Variants in CD109 observed in about 807,000 individuals in gnomAD.
The protein encoded by CD109 is CD109 molecule, also known as CD109 antigen.
In CD109, 149 loss-of-function variants were observed where a neutral mutation model predicts 165.8. The ratio of observed to expected loss-of-function variants is 0.90; its 90% CI spans 0.79 to 1.03. The LOEUF (loss-of-function observed/expected upper bound fraction) is 1.03, where lower values mean the gene tolerates loss of function less well. Among genes scored for constraint, CD109 ranks in the 50% least tolerant of loss-of-function variants. The pLI is 0.00. For synonymous variants in CD109, 585 were observed against 592.1 expected, an observed-to-expected ratio of 0.99 and a Z score of 0.18; for missense variants, 1,712 against 1,677.8, an observed-to-expected ratio of 1.02 and a Z score of -0.36.
intron 23 of CD109, among the ~76,000 whole-genome samples, chr6:73,798,978 C>CTCTCCT (rs2150281293): frequency 6.6e-6 from 1 of 152,118 alleles, no homozygotes; most frequent in South Asian, 2.1e-4. Context: ...CTTCCCTCTC[C>CTCTCCT]TCTCCTTCTC....
At chr6:73,795,675 T>G (rs985197120) in intron 23 of CD109, among the ~76,000 whole-genome samples, 1 of 152,128 alleles carries the variant, frequency 6.6e-6, no homozygotes, top group Non-Finnish European at 1.5e-5. Context: ...GCGCTACAGC[T>G]GTAAGTAGGC....
intron 5 of CD109, among the ~76,000 whole-genome samples, chr6:73,738,324 A>G (rs1772624269): frequency 6.6e-6 from 1 of 152,198 alleles, no homozygotes; most frequent in African/African-American, 2.4e-5. Context: ...AATAACCATC[A>G]TGCCCAGAAT....
chr6:73,754,654 C>T (rs1773316149), intron 5 of CD109, among the ~76,000 whole-genome samples: 1 of 152,162 alleles, frequency 6.6e-6, no homozygotes, highest in Non-Finnish European at 1.5e-5. Context: ...TTTAATCAAA[C>T]ACACATTTAT....
At chr6:73,797,450 G>C (rs948989553) in intron 23 of CD109, among the ~76,000 whole-genome samples, 1 of 152,160 alleles carries the variant, frequency 6.6e-6, no homozygotes, top group African/African-American at 2.4e-5. Context: ...TTCAGAATTC[G>C]GATGTTGCCA....
rs386407559 is a variant in CD109 at position 73,725,504 on chromosome 6, C to CTT, written c.276+2245_276+2246dup. ...AACTAGAAATTTGTCTACTACACTT[C>CTT]TTTTTTTTTTTTTTTTTTTTTGAGA... On this transcript the variant is annotated intron_variant, in intron 3 of 32. Transcript: ENST00000287097. Among the ~76,000 whole-genome samples, 9 of 89,428 alleles carry CTT rather than the reference C, an allele frequency of 1.0e-4. 1 individual carries two copies. The highest frequency in any genetic ancestry group is 6.8e-4 in the East Asian group (2 of 2,962). 58.7% of individuals were successfully genotyped at this position (89,428 alleles called of 152,430 possible).
At chr6:73,748,130 A>G (rs1321329010) in intron 5 of CD109, among the ~76,000 whole-genome samples, 5 of 152,096 alleles carry the variant, frequency 3.3e-5, no homozygotes, top group Non-Finnish European at 7.4e-5. Context: ...TCAACCTTAA[A>G]TATATTTCAA....
At chr6:73,806,708 C>G in intron 24 of CD109, 136 bp from the exon 25 acceptor site, 1 of 615,636 alleles carries the variant, frequency 1.6e-6, no homozygotes, top group East Asian at 2.8e-5. Flanking sequence ...TTTTTCTTTC[C>G]TTGTTCCATC....
intron 2 of CD109, among the ~76,000 whole-genome samples, chr6:73,702,976 A>G (rs1258990554): frequency 1.3e-5 from 2 of 152,248 alleles, no homozygotes; most frequent in African/African-American, 4.8e-5. Flanking sequence ...GGGATTTAAC[A>G]TATTAAATAT....
chr6:73,794,139 T>A (rs889233418), intron 23 of CD109, among the ~76,000 whole-genome samples: 4 of 152,210 alleles, frequency 2.6e-5, no homozygotes, highest in Non-Finnish European at 5.9e-5. Context: ...TCTGTTTAAA[T>A]GTTTTATGCA....
chr6:73,742,608 C>T (rs538333320), intron 5 of CD109, among the ~76,000 whole-genome samples: 7 of 152,316 alleles, frequency 4.6e-5, no homozygotes, highest in Middle Eastern at 3.4e-3. Flanking sequence ...TCCAAGAGCC[C>T]GAAAGAAGAG....
chr6:73,760,559 G>A (rs936232379), intron 7 of CD109, among the ~76,000 whole-genome samples: 3 of 151,174 alleles, frequency 2.0e-5, no homozygotes, highest in Non-Finnish European at 2.9e-5. Context: ...ACGAAGCTAA[G>A]TTTGGGCCAG....
chr6:73,690,602 T>C, the CD109 span, among the ~76,000 whole-genome samples: 3 of 152,206 alleles, frequency 2.0e-5, no homozygotes, highest in African/African-American at 7.2e-5. Context: ...GGTTTCTCCA[T>C]GTTGGTCAGG....
chr6:73,737,503 A>T (rs1214544133), intron 5 of CD109, among the ~76,000 whole-genome samples: 1 of 152,232 alleles, frequency 6.6e-6, no homozygotes, highest in Non-Finnish European at 1.5e-5. Context: ...AGAACATTTG[A>T]GGCAATATTA....
At chr6:73,708,811 G>C (rs535508266) in intron 2 of CD109, among the ~76,000 whole-genome samples, 40 of 152,278 alleles carry the variant, frequency 2.6e-4, no homozygotes, top group African/African-American at 7.7e-4. Context: ...TGAGAAGTGT[G>C]TGTTCATATC....
intron 5 of CD109, among the ~76,000 whole-genome samples, chr6:73,754,793 G>A (rs1221555305): frequency 6.6e-6 from 1 of 152,140 alleles, no homozygotes; most frequent in Non-Finnish European, 1.5e-5. Context: ...GGGGAGGGAT[G>A]GAAGTACATA....
rs777989061 is a variant in CD109, at chr6:73,787,400, C to T, written c.2504C>T (p.Thr835Ile). The change falls in exon 21 of 33, where the codon ACA becomes ATA. Residue 835 changes from threonine (T) to isoleucine (I), a missense_variant. Thr to Ile is a moderately conservative substitution (Grantham distance 89). Transcript: ENST00000287097. ...THLGEIPITV[T>I]ALSPTASDAV... Reference sequence around the variant, plus strand: ...CTGGGAGAAATTCCTATCACAGTCACAGCTCTTTCACCCACTGCTTCTGAT... The same window carrying T: ...CTGGGAGAAATTCCTATCACAGTCATAGCTCTTTCACCCACTGCTTCTGAT... The T allele has an allele frequency of 6.2e-6, 10 of 1,613,960 alleles. No homozygotes were observed. Among genetic ancestry groups the T allele is most frequent in the Non-Finnish European group, 5.9e-6 (7 of 1,179,970 alleles).
chr6:73,736,643 T>G, intron 5 of CD109, 135 bp downstream of exon 5: 1 of 721,928 alleles, frequency 1.4e-6, no homozygotes. Context: ...AAACGGTTTA[T>G]TTTTAATTTA....
intron 5 of CD109, among the ~76,000 whole-genome samples, chr6:73,742,609 G>A (rs1033722648): frequency 2.6e-5 from 4 of 152,240 alleles, no homozygotes; most frequent in African/African-American, 7.2e-5. Flanking sequence ...CCAAGAGCCC[G>A]AAAGAAGAGC....
At chr6:73,711,294 A>G (rs954731980) in intron 2 of CD109, among the ~76,000 whole-genome samples, 4 of 151,950 alleles carry the variant, frequency 2.6e-5, no homozygotes, top group Admixed American at 6.6e-5. Context: ...TTTTTAGACA[A>G]TGGAACAAAA....
Sources: allele counts gnomAD v4.1 joint callset (sites outside exome capture counted in the v4.1 genomes callset), GRCh38; gene constraint gnomAD v4.1.1; transcripts MANE v1.5; gene names NCBI Gene and HGNC (gene_info 2026-07-23, HGNC 2026-07-21).